NCALD: variants seen among roughly 807,000 people sequenced by gnomAD.
NCALD encodes neurocalcin delta, also known as neurocalcin-delta.
NCALD carries 10 observed loss-of-function variants against 18.6 expected under a neutral mutation model. The ratio of observed to expected loss-of-function variants is 0.54; its 90% CI spans 0.33 to 0.91. The LOEUF is 0.91. NCALD is among the 40% of genes least tolerant of loss of function. The pLI, the probability that NCALD is intolerant of heterozygous loss-of-function variation, is 0.03. For synonymous variants in NCALD, 88 were observed against 87.4 expected, an observed-to-expected ratio of 1.01 and a Z score of -0.04; for missense variants, 184 against 247.6, an observed-to-expected ratio of 0.74 and a Z score of 1.72.
intron 2 of NCALD, among the ~76,000 whole-genome samples, chr8:101,989,214 A>G (rs1057118733): frequency 1.3e-5 from 2 of 152,226 alleles, no homozygotes; most frequent in African/African-American, 2.4e-5. Context: ...TAACAAGTAC[A>G]GGTGATCACA....
At chr8:102,069,609 A>G (rs1172921832) in intron 1 of NCALD, among the ~76,000 whole-genome samples, 1 of 152,228 alleles carries the variant, frequency 6.6e-6, no homozygotes, top group Non-Finnish European at 1.5e-5. Flanking sequence ...TAATAGTAGG[A>G]AAAAACCCTA....
intron 2 of NCALD, among the ~76,000 whole-genome samples, chr8:101,711,114 C>G (rs897074478): frequency 6.6e-6 from 1 of 152,076 alleles, no homozygotes; most frequent in African/African-American, 2.4e-5. Flanking sequence ...CTGGTGATAC[C>G]CAGGCAAACA....
chr8:102,041,793 G>A (rs1823059075), intron 1 of NCALD, among the ~76,000 whole-genome samples: 1 of 149,708 alleles, frequency 6.7e-6, no homozygotes, highest in South Asian at 2.1e-4. Flanking sequence ...CCACACAGCA[G>A]TCTGAATGCA....
At chr8:101,886,337 T>C (rs1816673955) in intron 4 of NCALD, among the ~76,000 whole-genome samples, 2 of 152,140 alleles carry the variant, frequency 1.3e-5, no homozygotes, top group Admixed American at 1.3e-4. Flanking sequence ...CTGCCCCCAT[T>C]TATTTTATTT....
intron 4 of NCALD, among the ~76,000 whole-genome samples, chr8:101,874,073 A>G (rs1215194369): frequency 6.6e-6 from 1 of 152,180 alleles, no homozygotes; most frequent in Non-Finnish European, 1.5e-5. Context: ...TTGCTGCTAG[A>G]TGTATTTCAT....
intron 3 of NCALD, chr8:101,690,775 GC>G: frequency 5.1e-6 from 5 of 985,398 alleles, no homozygotes; most frequent in Non-Finnish European, 4.8e-6. Flanking sequence ...GCCCAGCCCT[GC>G]CCACATAGTA....
intron 1 of NCALD, among the ~76,000 whole-genome samples, chr8:102,080,715 C>T (rs576340679): frequency 6.6e-6 from 1 of 152,202 alleles, no homozygotes; most frequent in Non-Finnish European, 1.5e-5. Flanking sequence ...GGCATGAGGG[C>T]TTGGGGCTCC....
intron 2 of NCALD, among the ~76,000 whole-genome samples, chr8:101,927,607 C>T (rs545787229): frequency 3.9e-4 from 59 of 152,240 alleles, no homozygotes; most frequent in Non-Finnish European, 6.9e-4. Flanking sequence ...CCGACATCCG[C>T]GCAGTGGGTA....
At position 101,997,108 on chromosome 8, in the gene NCALD, C is replaced by T. The variant is rs1230836222; in HGVS notation, c.-157+23129G>A. Among the ~76,000 whole-genome samples, 3 of 152,306 alleles carry T rather than the reference C, an allele frequency of 2.0e-5. No individual in the cohort carries two copies. The East Asian group carries it at 5.8e-4, about 29-fold the overall frequency. On this transcript the variant is annotated intron_variant, in intron 2 of 6. Transcript: ENST00000311028. ...TGATAGACAGATTTGGCTTTTTAAG[C>T]TTTGCTCAAAATTTCCATTAAGCTC...
intron 2 of NCALD, among the ~76,000 whole-genome samples, chr8:102,017,487 G>T (rs1401448881): frequency 6.6e-6 from 1 of 152,192 alleles, no homozygotes; most frequent in African/African-American, 2.4e-5. Context: ...GCCAAGGTGG[G>T]TGGATCACCT....
intron 1 of NCALD, among the ~76,000 whole-genome samples, chr8:102,115,084 A>G (rs1825744562): frequency 6.6e-6 from 1 of 152,122 alleles, no homozygotes; most frequent in East Asian, 1.9e-4. Context: ...CAAATTCTTA[A>G]TTTTTTTAAA....
intron 2 of NCALD, among the ~76,000 whole-genome samples, chr8:101,963,602 G>A (rs1436896686): frequency 6.6e-6 from 1 of 152,130 alleles, no homozygotes; most frequent in Non-Finnish European, 1.5e-5. Flanking sequence ...CGAGTTTCTG[G>A]ATCTACCTTT....
At chr8:102,021,640 A>G (rs1244077584) in intron 1 of NCALD, among the ~76,000 whole-genome samples, 2 of 152,146 alleles carry the variant, frequency 1.3e-5, no homozygotes, top group African/African-American at 2.4e-5. Flanking sequence ...AGGTGCCTCC[A>G]CCATGGTGGA....
intron 1 of NCALD, among the ~76,000 whole-genome samples, chr8:102,037,152 T>C (rs1350449711): frequency 1.3e-5 from 2 of 152,194 alleles, no homozygotes; most frequent in African/African-American, 4.8e-5. Context: ...TATGGCACTA[T>C]TAAATGGCAG....
Position 101,851,813 on chromosome 8 carries a change from G to A in NCALD, c.-20+35328C>T, listed in dbSNP as rs78471284. Among the ~76,000 whole-genome samples, 879 of 152,104 alleles carry A rather than the reference G, an allele frequency of 5.8e-3. 9 individuals are homozygous for A. Among genetic ancestry groups the A allele is most frequent in the African/African-American group, 0.019 (804 of 41,504 alleles). ...AGCTGGGGTATTGATTTTATTGTAC[G>A]GTACTATGGTCTCAATATGTCCTTC... On this transcript the variant is annotated intron_variant, in intron 4 of 6. Transcript: ENST00000311028.
In NCALD at chr8:102,035,095, GAGTTGAAAACGATATTAGAAGTAATCT is replaced by G. The variant is rs1822813741; in HGVS notation, c.-209-14833_-209-14807del. Among the ~76,000 whole-genome samples the G allele has an allele frequency of 2.6e-5, 4 of 152,248 alleles. No individual in the cohort carries two copies. In the South Asian group the frequency reaches 8.3e-4, roughly 32 times the overall value. ...ACTCACGTAAGTGTAGAATCTCCAA[GAGTTGAAAACGATATTAGAAGTAATCT>G]AGTGCAAGGTCTCGCCCAGTGCATG... is the stretch of plus-strand genomic sequence containing the variant. On this transcript the variant is annotated intron_variant, in intron 1 of 6. Transcript: ENST00000311028.
At chr8:102,029,192 A>T (rs2132130978) in intron 1 of NCALD, 1 of 152,216 alleles carries the variant, frequency 6.6e-6, no homozygotes, top group East Asian at 1.9e-4. Context: ...CAGGAAGTGG[A>T]GGCAACTAAA....
chr8:101,807,721 A>G (rs1202024338), intron 4 of NCALD, among the ~76,000 whole-genome samples: 1 of 152,234 alleles, frequency 6.6e-6, no homozygotes, highest in Non-Finnish European at 1.5e-5. Flanking sequence ...AAAGGGTTAC[A>G]GCAAAGTTAC....
At chr8:102,115,348 T>G (rs959579864) in intron 1 of NCALD, among the ~76,000 whole-genome samples, 23 of 152,218 alleles carry the variant, frequency 1.5e-4, no homozygotes, top group Non-Finnish European at 1.5e-5. Flanking sequence ...AGTCAAACTG[T>G]AAAGCAGCTG....
Sources: allele counts gnomAD v4.1 joint callset (sites outside exome capture counted in the v4.1 genomes callset), GRCh38; gene constraint gnomAD v4.1.1; transcripts MANE v1.5; gene names NCBI Gene and HGNC (gene_info 2026-07-23, HGNC 2026-07-21).